DOCK4: variants seen among roughly 807,000 people sequenced by gnomAD.
DOCK4 encodes dedicator of cytokinesis protein 4.
In DOCK4, 97 loss-of-function variants were observed where a neutral mutation model predicts 268.1. The observed-to-expected ratio is 0.36, with a 90% confidence interval of 0.31 to 0.43. The LOEUF is 0.43. Among genes scored for constraint, DOCK4 ranks in the 20% least tolerant of loss-of-function variants. The pLI is 1.00. For synonymous variants in DOCK4, 954 were observed against 887.2 expected, an observed-to-expected ratio of 1.08 and a Z score of -1.34; for missense variants, 2,145 against 2,455.7, an observed-to-expected ratio of 0.87 and a Z score of 2.67.
rs115626899 is a variant in DOCK4, at chr7:112,020,554, T to G, written c.38-16423A>C. Among the ~76,000 whole-genome samples, 972 of 152,202 alleles carry G rather than the reference T, an allele frequency of 6.4e-3. 9 individuals are homozygous for G. Among genetic ancestry groups the G allele is most frequent in the African/African-American group, 0.022 (921 of 41,516 alleles). The stretch of plus-strand genomic sequence containing the variant: ...GAAAGGGGAAATGTCAATCATGTGT[T>G]GTAGTCTCCGACTTAAACGATCATA... On this transcript the variant is annotated intron_variant, in intron 1 of 52. Transcript: ENST00000428084.
At chr7:111,964,612 C>T (rs1797237071) in intron 8 of DOCK4, among the ~76,000 whole-genome samples, 2 of 137,630 alleles carry the variant, frequency 1.5e-5, no homozygotes, top group Admixed American at 7.3e-5. Flanking sequence ...GAGAATGGAA[C>T]CAAGTTGGAA....
chr7:111,735,407 A>G (rs759639404), intron 50 of DOCK4, among the ~76,000 whole-genome samples: 29 of 152,236 alleles, frequency 1.9e-4, no homozygotes, highest in Non-Finnish European at 3.4e-4. Flanking sequence ...GGAACTACAA[A>G]TCTTTACACT....
intron 7 of DOCK4, among the ~76,000 whole-genome samples, chr7:111,979,206 A>G (rs751841681): frequency 1.3e-5 from 2 of 152,216 alleles, no homozygotes; most frequent in Non-Finnish European, 2.9e-5. Context: ...CTTAGAAGTT[A>G]AAACTTTTAT....
intron 36 of DOCK4, among the ~76,000 whole-genome samples, chr7:111,774,145 TA>T (rs1352912953): frequency 6.6e-6 from 1 of 152,222 alleles, no homozygotes; most frequent in Middle Eastern, 3.4e-3. Flanking sequence ...CAATTATTAA[TA>T]AAAAACAGTT....
chr7:112,146,440 A>G (rs1447371531), intron 1 of DOCK4, among the ~76,000 whole-genome samples: 2 of 152,204 alleles, frequency 1.3e-5, no homozygotes, highest in African/African-American at 4.8e-5. Flanking sequence ...TATAACTGAA[A>G]GAACTTTGAA....
At chr7:112,093,171 G>A (rs1809794902) in intron 1 of DOCK4, among the ~76,000 whole-genome samples, 1 of 151,962 alleles carries the variant, frequency 6.6e-6, no homozygotes, top group South Asian at 2.1e-4. Context: ...AATACAAGTA[G>A]GCACAATGTT....
intron 1 of DOCK4, among the ~76,000 whole-genome samples, chr7:112,016,177 A>G (rs1349527721): frequency 6.6e-6 from 1 of 152,102 alleles, no homozygotes; most frequent in Non-Finnish European, 1.5e-5. Flanking sequence ...TAGTTGTTAC[A>G]TTTTCTTAGT....
intron 39 of DOCK4, among the ~76,000 whole-genome samples, chr7:111,762,916 G>A (rs1226370669): frequency 2.0e-5 from 3 of 151,250 alleles, no homozygotes; most frequent in African/African-American, 4.9e-5. Flanking sequence ...ACAGGCGCAC[G>A]CCACCGAACC....
chr7:111,978,127 C>G (rs1413022195), intron 7 of DOCK4, among the ~76,000 whole-genome samples: 1 of 152,210 alleles, frequency 6.6e-6, no homozygotes, highest in African/African-American at 2.4e-5. Flanking sequence ...ACAGTTCACA[C>G]CTTCACAGAG....
chr7:112,140,379 G>T (rs1814789095), intron 1 of DOCK4, among the ~76,000 whole-genome samples: 1 of 152,086 alleles, frequency 6.6e-6, no homozygotes, highest in South Asian at 2.1e-4. Flanking sequence ...TTCAGCAGTT[G>T]AATATGTTCC....
chr7:112,200,372 AGAGT>A (rs1820805391), intron 1 of DOCK4, among the ~76,000 whole-genome samples: 1 of 152,200 alleles, frequency 6.6e-6, no homozygotes, highest in African/African-American at 2.4e-5. Flanking sequence ...CTACTAATCT[AGAGT>A]AAGTCACTTA....
chr7:112,005,677 C>G (rs989266131), intron 1 of DOCK4, among the ~76,000 whole-genome samples: 1 of 152,020 alleles, frequency 6.6e-6, no homozygotes. Flanking sequence ...CTCAGAATTG[C>G]CTTTCCAAAC....
At chr7:111,839,571 T>G (rs1803508420) in intron 25 of DOCK4, among the ~76,000 whole-genome samples, 1 of 152,248 alleles carries the variant, frequency 6.6e-6, no homozygotes, top group Admixed American at 6.5e-5. Flanking sequence ...TGAATCCAGA[T>G]TTATGATTTT....
At chr7:112,114,129 T>C (rs1402134576) in intron 1 of DOCK4, among the ~76,000 whole-genome samples, 5 of 152,108 alleles carry the variant, frequency 3.3e-5, no homozygotes, top group Admixed American at 1.3e-4. Context: ...ACCTACTTCA[T>C]TGTGTTCCTG....
chr7:112,101,370 G>A (rs1810662710), intron 1 of DOCK4, among the ~76,000 whole-genome samples: 1 of 152,168 alleles, frequency 6.6e-6, no homozygotes, highest in South Asian at 2.1e-4. Context: ...CGTCCCCGGA[G>A]GGGTAAAATA....
chr7:111,913,443 T>G (rs1044638491), intron 13 of DOCK4, among the ~76,000 whole-genome samples: 7 of 144,726 alleles, frequency 4.8e-5, no homozygotes, highest in African/African-American at 1.8e-4. Flanking sequence ...AGAGTCTCGC[T>G]CTGTCGCCCA....
chr7:111,882,706 G>A (rs1004723423), intron 16 of DOCK4, among the ~76,000 whole-genome samples: 1 of 151,320 alleles, frequency 6.6e-6, no homozygotes, highest in Non-Finnish European at 1.5e-5. Flanking sequence ...TCTGCCTCCC[G>A]GGTTCAAGCA....
chr7:111,962,299 T>G (rs1341824504), intron 8 of DOCK4, among the ~76,000 whole-genome samples: 1 of 152,236 alleles, frequency 6.6e-6, no homozygotes, highest in East Asian at 1.9e-4. Context: ...TTTCCTGTAC[T>G]GGTTTTTAAA....
chr7:112,152,872 C>A lies in DOCK4; in HGVS notation c.37+53230G>T, dbSNP rs191901293. 1.1e-3 allele frequency among the ~76,000 whole-genome samples: 165 copies of A among 152,122 alleles called. No homozygotes were observed. The Middle Eastern group carries it at 0.014, about 13-fold the overall frequency. On this transcript the variant is annotated intron_variant, in intron 1 of 52. Transcript: ENST00000428084. ...TTAAGTAGTAAAATGTGAAAAAAAA[C>A]CGAACATTTCTTCAAACTAAGAGCC... is the stretch of plus-strand genomic sequence containing the variant.
Sources: gnomAD v4.1 joint callset for allele counts (sites outside exome capture counted in the v4.1 genomes callset) on GRCh38, gnomAD v4.1.1 for gene constraint, MANE v1.5 for transcripts, NCBI Gene and HGNC (gene_info 2026-07-23, HGNC 2026-07-21) for gene names.